The following ANKRD17 variants were observed in gnomAD, a reference collection of about 807,000 sequenced individuals.
ANKRD17 encodes the protein ankyrin repeat domain 17.
Under a neutral mutation model 229.7 loss-of-function variants are expected in ANKRD17, and 19 were observed. The ratio of observed to expected loss-of-function variants is 0.08; its 90% CI spans 0.06 to 0.12. The LOEUF (loss-of-function observed/expected upper bound fraction) is 0.12, where lower values mean the gene tolerates loss of function less well. ANKRD17 is among the 10% of genes least tolerant of loss of function. ANKRD17 has a pLI of 1.00. For missense variants in ANKRD17, 2,176 were observed against 3,176.8 expected (o/e 0.68, Z 7.57); for synonymous variants, 1,112 against 1,146.1 (o/e 0.97, Z 0.60).
intron 1 of ANKRD17, among the ~76,000 whole-genome samples, chr4:73,234,983 C>G (rs1467588278): frequency 6.6e-6 from 1 of 152,172 alleles, no homozygotes; most frequent in Non-Finnish European, 1.5e-5. Context: ...GAGCTTACCT[C>G]TGTTATCTTG....
At chr4:73,202,264 C>G (rs1209858673) in intron 1 of ANKRD17, among the ~76,000 whole-genome samples, 1 of 146,166 alleles carries the variant, frequency 6.8e-6, no homozygotes, top group African/African-American at 2.5e-5. Flanking sequence ...CTACTCCTTC[C>G]CATCTTTCTG....
chr4:73,121,452 G>A, intron 19 of ANKRD17, 165 bp downstream of exon 19: 1 of 776,146 alleles, frequency 1.3e-6, no homozygotes, highest in Non-Finnish European at 2.1e-6. Context: ...TCTATATCAA[G>A]TTTTAATTAC....
chr4:73,207,622 T>C (rs1251315588), intron 1 of ANKRD17, among the ~76,000 whole-genome samples: 1 of 152,190 alleles, frequency 6.6e-6, no homozygotes, highest in Non-Finnish European at 1.5e-5. Flanking sequence ...GTAGAGCTAT[T>C]ATCAATTTCA....
intron 1 of ANKRD17, among the ~76,000 whole-genome samples, chr4:73,192,883 A>AT (rs1200863335): frequency 2.0e-5 from 3 of 152,158 alleles, no homozygotes; most frequent in Admixed American, 2.0e-4. Context: ...AATCAGGAAC[A>AT]TATTATGTTC....
intron 1 of ANKRD17, among the ~76,000 whole-genome samples, chr4:73,199,944 A>G (rs578026095): frequency 6.6e-6 from 1 of 152,316 alleles, no homozygotes; most frequent in East Asian, 1.9e-4. Flanking sequence ...TTTTTTATCC[A>G]GCTCAAATTT....
At chr4:73,128,944 G>A (rs1727824462) in intron 16 of ANKRD17, among the ~76,000 whole-genome samples, 1 of 152,146 alleles carries the variant, frequency 6.6e-6, no homozygotes, top group South Asian at 2.1e-4. Context: ...TTCAAATACT[G>A]CTAATCATGG....
At chr4:73,141,902 C>CCTG in intron 13 of ANKRD17, 59 bp from the exon 14 acceptor site, 1 of 1,246,482 alleles carries the variant, frequency 8.0e-7, no homozygotes, top group Non-Finnish European at 1.1e-6. Context: ...AAGTAATATG[C>CCTG]TCTAAATAAA....
chr4:73,151,349 T>C, intron 7 of ANKRD17, 81 bp downstream of exon 7: 2 of 1,235,258 alleles, frequency 1.6e-6, no homozygotes, highest in Non-Finnish European at 1.2e-6. Context: ...ATAGCACCCA[T>C]TGGAAAGGCA....
At chr4:73,198,143 T>C (rs1479851389) in intron 1 of ANKRD17, among the ~76,000 whole-genome samples, 1 of 152,170 alleles carries the variant, frequency 6.6e-6, no homozygotes, top group Admixed American at 6.6e-5. Flanking sequence ...TTAAAACATG[T>C]GGCTACTCCA....
intron 16 of ANKRD17, among the ~76,000 whole-genome samples, chr4:73,131,334 T>A (rs1276879909): frequency 6.6e-6 from 1 of 152,228 alleles, no homozygotes; most frequent in Non-Finnish European, 1.5e-5. Flanking sequence ...TGCTAATCCT[T>A]GTTAAAAATA....
intron 1 of ANKRD17, among the ~76,000 whole-genome samples, chr4:73,233,260 AC>A (rs1284377450): frequency 6.6e-6 from 1 of 152,064 alleles, no homozygotes; most frequent in African/African-American, 2.4e-5. Context: ...CTGACTGTCC[AC>A]CGAAAAAACG....
chr4:73,192,342 G>A (rs1460184032), intron 1 of ANKRD17, among the ~76,000 whole-genome samples: 1 of 151,454 alleles, frequency 6.6e-6, no homozygotes, highest in Non-Finnish European at 1.5e-5. Flanking sequence ...AAAGCAGCCT[G>A]AAGCAAAAAA....
chr4:73,124,796 G>T, intron 18 of ANKRD17, 117 bp downstream of exon 18: 1 of 1,271,394 alleles, frequency 7.9e-7, no homozygotes, highest in African/African-American at 1.5e-5. Context: ...AATAGTTTCA[G>T]TTATTGTGAG....
intron 2 of ANKRD17, among the ~76,000 whole-genome samples, chr4:73,164,671 A>G (rs1294383473): frequency 6.6e-6 from 1 of 152,150 alleles, no homozygotes; most frequent in East Asian, 1.9e-4. Context: ...ATGCGCCTAT[A>G]GTCCCAGCTA....
At chr4:73,192,162 T>G (rs1737200408) in intron 1 of ANKRD17, among the ~76,000 whole-genome samples, 1 of 152,112 alleles carries the variant, frequency 6.6e-6, no homozygotes, top group South Asian at 2.1e-4. Context: ...CCCAATTTAT[T>G]GTCTTCCTCT....
intron 1 of ANKRD17, among the ~76,000 whole-genome samples, chr4:73,255,978 G>C (rs930980469): frequency 6.6e-6 from 1 of 152,052 alleles, no homozygotes; most frequent in Non-Finnish European, 1.5e-5. Context: ...CGCCCGCCTC[G>C]GTCTCCCAAA....
intron 16 of ANKRD17, among the ~76,000 whole-genome samples, chr4:73,130,109 G>A (rs114520653): frequency 3.9e-5 from 6 of 151,946 alleles, no homozygotes; most frequent in African/African-American, 1.5e-4. Context: ...AAAACTACTA[G>A]GACTTAAAGA....
chr4:73,104,454 G>A (rs1424947722), intron 24 of ANKRD17, among the ~76,000 whole-genome samples: 2 of 152,204 alleles, frequency 1.3e-5, no homozygotes. Context: ...ATAAGAGGGA[G>A]AGGAGGAGTG....
At chr4:73,099,678 A>C (rs1248482841) in intron 25 of ANKRD17, among the ~76,000 whole-genome samples, 1 of 152,142 alleles carries the variant, frequency 6.6e-6, no homozygotes, top group Admixed American at 6.5e-5. Flanking sequence ...GGATTCCCCC[A>C]GCCAAACTGT....
Sources: allele counts gnomAD v4.1 joint callset (sites outside exome capture counted in the v4.1 genomes callset), GRCh38; gene constraint gnomAD v4.1.1; transcripts MANE v1.5; gene names NCBI Gene and HGNC (gene_info 2026-07-23, HGNC 2026-07-21).